The following PDE1A variants were observed in gnomAD, a reference collection of about 807,000 sequenced individuals.
PDE1A encodes dual specificity calcium/calmodulin-dependent 3',5'-cyclic nucleotide phosphodiesterase 1A.
PDE1A carries 35 observed loss-of-function variants against 61.7 expected under a neutral mutation model. That is an observed-to-expected ratio of 0.57 (90% CI 0.43 to 0.75). The LOEUF (loss-of-function observed/expected upper bound fraction) is 0.75. Ranked by LOEUF, PDE1A falls within the 30% of genes least tolerant of loss-of-function variation. The probability of loss-of-function intolerance (pLI) is 0.00; values close to 1 mark genes in which losing one functional copy is unlikely to be tolerated. For synonymous variants in PDE1A, 232 were observed against 213.2 expected (o/e 1.09, Z -0.77); for missense variants, 597 against 630.6 (o/e 0.95, Z 0.57).
chr2:182,574,442 A>G, the PDE1A span, among the ~76,000 whole-genome samples: 1 of 152,170 alleles, frequency 6.6e-6, no homozygotes, highest in Non-Finnish European at 1.5e-5. Flanking sequence ...TCTTCAAATA[A>G]AGACAATAAT....
intron 2 of PDE1A, among the ~76,000 whole-genome samples, chr2:182,458,836 A>T (rs552803785): frequency 6.6e-6 from 1 of 152,212 alleles, no homozygotes; most frequent in South Asian, 2.1e-4. Context: ...ATAAATTCCC[A>T]CTAATTAAAA....
At chr2:182,567,156 G>T in the PDE1A span, among the ~76,000 whole-genome samples, 1 of 152,032 alleles carries the variant, frequency 6.6e-6, no homozygotes, top group Non-Finnish European at 1.5e-5. Flanking sequence ...ATGCCATCTC[G>T]TAACAATTTG....
chr2:182,335,529 AT>A (rs1433088847), intron 1 of PDE1A, among the ~76,000 whole-genome samples: 1 of 152,220 alleles, frequency 6.6e-6, no homozygotes, highest in African/African-American at 2.4e-5. Context: ...AGGATTCCCT[AT>A]TTAATAAATG....
the PDE1A span, among the ~76,000 whole-genome samples, chr2:182,653,352 TA>T: frequency 6.6e-6 from 1 of 152,292 alleles, no homozygotes; most frequent in Non-Finnish European, 1.5e-5. Flanking sequence ...GCTAATGATT[TA>T]AGGCAATTCT....
the PDE1A span, among the ~76,000 whole-genome samples, chr2:182,706,744 C>T: frequency 1.3e-5 from 2 of 152,272 alleles, no homozygotes; most frequent in African/African-American, 4.8e-5. Context: ...CAATTACATG[C>T]TAGAAATGTG....
intron 2 of PDE1A, among the ~76,000 whole-genome samples, chr2:182,465,435 A>T (rs1200307892): frequency 6.6e-6 from 1 of 152,060 alleles, no homozygotes; most frequent in Non-Finnish European, 1.5e-5. Flanking sequence ...AATCTGATAC[A>T]TTCAATCAAT....
At chr2:182,331,993 C>T (rs1266718733) in intron 1 of PDE1A, among the ~76,000 whole-genome samples, 6 of 152,138 alleles carry the variant, frequency 3.9e-5, no homozygotes, top group South Asian at 2.1e-4. Context: ...ACCAATCAAA[C>T]GTAGGTTTGG....
chr2:182,424,476 G>T (rs1246191581), intron 1 of PDE1A, among the ~76,000 whole-genome samples: 2 of 152,138 alleles, frequency 1.3e-5, no homozygotes, highest in Non-Finnish European at 2.9e-5. Flanking sequence ...TCTCTGAAAA[G>T]TCAGGCTTGA....
intron 1 of PDE1A, among the ~76,000 whole-genome samples, chr2:182,291,741 A>T (rs943521283): frequency 3.3e-5 from 5 of 152,188 alleles, no homozygotes; most frequent in African/African-American, 1.2e-4. Flanking sequence ...ACACAGAAGA[A>T]TGACAAAGTC....
chr2:182,639,524 T>C, the PDE1A span, among the ~76,000 whole-genome samples: 3 of 152,086 alleles, frequency 2.0e-5, no homozygotes, highest in African/African-American at 7.2e-5. Flanking sequence ...GCCAAGATCA[T>C]GCCACTGCAC....
chr2:182,369,913 G>A (rs373272543), intron 1 of PDE1A, among the ~76,000 whole-genome samples: 20 of 152,152 alleles, frequency 1.3e-4, no homozygotes, highest in Admixed American at 2.6e-4. Context: ...AGTGGCTCAC[G>A]CCTGTAATCC....
At chr2:182,621,349 T>A in the PDE1A span, among the ~76,000 whole-genome samples, 1 of 152,208 alleles carries the variant, frequency 6.6e-6, no homozygotes, top group Non-Finnish European at 1.5e-5. Context: ...GTGGAAGAAT[T>A]ACTTTCTCTA....
intron 2 of PDE1A, among the ~76,000 whole-genome samples, chr2:182,517,470 T>C (rs1559535191): frequency 6.6e-6 from 1 of 152,224 alleles, no homozygotes; most frequent in East Asian, 1.9e-4. Flanking sequence ...ATTCATTGAC[T>C]TAAAATATTA....
intron 1 of PDE1A, among the ~76,000 whole-genome samples, chr2:182,396,987 G>T (rs1467466286): frequency 1.3e-5 from 2 of 151,962 alleles, no homozygotes; most frequent in Non-Finnish European, 2.9e-5. Flanking sequence ...TCTACCTGTG[G>T]GTATTTCCCT....
At chr2:182,202,133 T>A (rs893935796) in intron 8 of PDE1A, among the ~76,000 whole-genome samples, 1 of 152,170 alleles carries the variant, frequency 6.6e-6, no homozygotes, top group Non-Finnish European at 1.5e-5. Flanking sequence ...AAAGAAAAAC[T>A]ATTCCAAATA....
At chr2:182,309,188 G>A (rs1276403911) in intron 1 of PDE1A, among the ~76,000 whole-genome samples, 1 of 152,010 alleles carries the variant, frequency 6.6e-6, no homozygotes, top group Non-Finnish European at 1.5e-5. Context: ...TCTGAAAGGA[G>A]ACAAGACTTA....
intron 1 of PDE1A, among the ~76,000 whole-genome samples, chr2:182,324,099 C>A (rs770156850): frequency 7.9e-5 from 12 of 151,986 alleles, no homozygotes; most frequent in Non-Finnish European, 1.5e-4. Context: ...TAGCAAGATG[C>A]CTGGAAAAAT....
chr2:182,210,599 C>T (rs1395876501), intron 7 of PDE1A, among the ~76,000 whole-genome samples: 1 of 152,116 alleles, frequency 6.6e-6, no homozygotes, highest in Admixed American at 6.5e-5. Flanking sequence ...CAGTCTGTGG[C>T]TTGTCTTTTT....
intron 2 of PDE1A, among the ~76,000 whole-genome samples, chr2:182,253,588 A>G (rs1234769543): frequency 6.6e-6 from 1 of 152,098 alleles, no homozygotes; most frequent in Non-Finnish European, 1.5e-5. Flanking sequence ...ATCATATCAC[A>G]TGTCCAAGCC....
Sources: gnomAD v4.1 joint callset for allele counts (sites outside exome capture counted in the v4.1 genomes callset) on GRCh38, gnomAD v4.1.1 for gene constraint, MANE v1.5 for transcripts, NCBI Gene and HGNC (gene_info 2026-07-23, HGNC 2026-07-21) for gene names.